Variants in RTN4 observed in about 807,000 individuals in gnomAD.
RTN4 encodes reticulon-4.
RTN4 carries 32 observed loss-of-function variants against 90.4 expected under a neutral mutation model. The ratio of observed to expected loss-of-function variants is 0.35; its 90% confidence interval spans 0.27 to 0.48. The LOEUF (loss-of-function observed/expected upper bound fraction) is 0.48, where lower values mean the gene tolerates loss of function less well. RTN4 is among the 20% of genes least tolerant of loss of function. The pLI, the probability that RTN4 is intolerant of heterozygous loss-of-function variation, is 0.99. For missense variants in RTN4, 1,706 were observed against 1,430.2 expected (o/e 1.19, Z -3.11); for synonymous variants, 629 against 552.5 (o/e 1.14, Z -1.94).
At chr2:55,024,369 C>T (rs913831835) in intron 3 of RTN4, among the ~76,000 whole-genome samples, 2 of 152,130 alleles carry the variant, frequency 1.3e-5, no homozygotes, top group African/African-American at 2.4e-5. Flanking sequence ...TGCTGAAGCA[C>T]CAGCACTTAA....
At chr2:55,106,309 C>T (rs115514755) in intron 1 of RTN4, among the ~76,000 whole-genome samples, 2,276 of 152,076 alleles carry the variant, frequency 0.015, 21 homozygotes, top group Non-Finnish European at 0.024. Flanking sequence ...TCTTCCTCCC[C>T]CATAGCTTTT....
chr2:55,016,064 T>C (rs964886685), intron 3 of RTN4, among the ~76,000 whole-genome samples: 2 of 152,136 alleles, frequency 1.3e-5, no homozygotes, highest in African/African-American at 4.8e-5. Context: ...GTTAATAGCA[T>C]TATTTATCAA....
chr2:55,024,036 T>G (rs1681638251), intron 3 of RTN4, among the ~76,000 whole-genome samples: 1 of 152,204 alleles, frequency 6.6e-6, no homozygotes, highest in Non-Finnish European at 1.5e-5. Flanking sequence ...CATAACTTAC[T>G]GGATATCTTA....
intron 1 of RTN4, among the ~76,000 whole-genome samples, chr2:55,091,724 G>C (rs1398622455): frequency 6.6e-6 from 1 of 152,134 alleles, no homozygotes; most frequent in Admixed American, 6.5e-5. Flanking sequence ...TGCTGATAAA[G>C]ACATACCCAA....
chr2:55,075,284 G>A (rs1418508120), intron 2 of RTN4, among the ~76,000 whole-genome samples: 4 of 152,108 alleles, frequency 2.6e-5, no homozygotes, highest in South Asian at 2.1e-4. Context: ...CACCAACAGC[G>A]ACCAAGCTGA....
At chr2:55,059,103 T>G (rs1016215472) in intron 2 of RTN4, among the ~76,000 whole-genome samples, 4 of 152,156 alleles carry the variant, frequency 2.6e-5, no homozygotes, top group Admixed American at 2.6e-4. Context: ...ATAACGGAGA[T>G]GACCTTGAGC....
the RTN4 span, among the ~76,000 whole-genome samples, chr2:55,124,305 T>C: frequency 6.6e-6 from 1 of 152,186 alleles, no homozygotes; most frequent in Non-Finnish European, 1.5e-5. Flanking sequence ...GTTTGATGGC[T>C]CCTGGTTTGT....
At chr2:55,079,485 G>C (rs1668664681) in intron 2 of RTN4, among the ~76,000 whole-genome samples, 1 of 152,202 alleles carries the variant, frequency 6.6e-6, no homozygotes, top group Non-Finnish European at 1.5e-5. Context: ...ACACATGTCA[G>C]GTAAAGTGGC....
intron 5 of RTN4, among the ~76,000 whole-genome samples, chr2:54,977,212 T>C (rs1677708636): frequency 1.3e-5 from 2 of 152,364 alleles, no homozygotes; most frequent in South Asian, 4.1e-4. Flanking sequence ...TGCCCTTCTG[T>C]GTCTCCTTCA....
chr2:55,005,192 T>C (rs1680124090), intron 3 of RTN4, among the ~76,000 whole-genome samples: 2 of 152,056 alleles, frequency 1.3e-5, no homozygotes, highest in Admixed American at 6.6e-5. Context: ...TAAAGGAAAA[T>C]CCCTTAAGTG....
chr2:55,052,732 A>G (rs1488915687), upstream of RTN4, among the ~76,000 whole-genome samples: 1 of 152,238 alleles, frequency 6.6e-6, no homozygotes, highest in African/African-American at 2.4e-5. Context: ...ATTTTCAACC[A>G]ATTGCATAAA....
intron 1 of RTN4, among the ~76,000 whole-genome samples, chr2:55,030,929 G>GT (rs1379234789): frequency 6.6e-6 from 1 of 152,118 alleles, no homozygotes. Flanking sequence ...ATTTTACAAT[G>GT]TAACAACATT....
chr2:55,012,851 A>G (rs1376021221), intron 3 of RTN4, among the ~76,000 whole-genome samples: 1 of 152,186 alleles, frequency 6.6e-6, no homozygotes, highest in Non-Finnish European at 1.5e-5. Context: ...CCAGCTGAGA[A>G]AAATGTACAT....
Position 55,112,293 on chromosome 2 carries a change from C to T in RTN4, c.-214+227G>A, listed in dbSNP as rs148943060. The stretch of plus-strand genomic sequence containing the variant: ...TGGCATATGTTGCCTCATCTACCCC[C>T]GGACAGCAACCCCGTAAAATCCTCA... On this transcript the variant is annotated intron_variant, in intron 1 of 3. Transcript: ENST00000427710. 2.6e-3 allele frequency among the ~76,000 whole-genome samples: 395 copies of T among 152,304 alleles called. 1 individual carries two copies. The highest frequency in any genetic ancestry group is 4.0e-3 in the Non-Finnish European group (274 of 68,022).
At chr2:55,117,651 C>T in the RTN4 span, among the ~76,000 whole-genome samples, 1 of 152,180 alleles carries the variant, frequency 6.6e-6, no homozygotes, top group Admixed American at 6.5e-5. Flanking sequence ...TGAAATCTCA[C>T]AGACAAAATA....
chr2:54,974,872 C>A, intron 5 of RTN4, 108 bp from the exon 6 acceptor site: 1 of 829,760 alleles, frequency 1.2e-6, no homozygotes, highest in Non-Finnish European at 2.0e-6. Context: ...AGGCATACAA[C>A]TTGAAGACTG....
upstream of RTN4, among the ~76,000 whole-genome samples, chr2:55,113,779 C>A (rs1668078280): frequency 6.6e-6 from 1 of 152,132 alleles, no homozygotes; most frequent in Non-Finnish European, 1.5e-5. Context: ...GACTGGAGAC[C>A]ATGACTGACT....
At chr2:55,001,431 G>C (rs936270455) in intron 3 of RTN4, among the ~76,000 whole-genome samples, 1 of 152,164 alleles carries the variant, frequency 6.6e-6, no homozygotes, top group East Asian at 1.9e-4. Context: ...GTTTAGTATT[G>C]TTAAATGGTC....
chr2:55,035,735 GT>G (rs1166649959), intron 1 of RTN4, among the ~76,000 whole-genome samples: 1 of 152,084 alleles, frequency 6.6e-6, no homozygotes, highest in East Asian at 1.9e-4. Flanking sequence ...GAGGAAGCAA[GT>G]ATTGAAAATA....
Sources: allele counts gnomAD v4.1 joint callset (sites outside exome capture counted in the v4.1 genomes callset), GRCh38; gene constraint gnomAD v4.1.1; transcripts MANE v1.5; gene names NCBI Gene and HGNC (gene_info 2026-07-23, HGNC 2026-07-21).